The following MTHFD2L variants were observed in gnomAD, a reference collection of about 807,000 sequenced individuals.
MTHFD2L encodes the protein bifunctional methylenetetrahydrofolate dehydrogenase/cyclohydrolase 2, mitochondrial.
Under a neutral mutation model 34.9 loss-of-function variants are expected in MTHFD2L, and 29 were observed. That is an observed-to-expected ratio of 0.83 (90% CI 0.62 to 1.13). MTHFD2L has a LOEUF of 1.13. MTHFD2L is among the 50% of genes most tolerant of loss of function. MTHFD2L has a pLI of 0.00. For missense variants in MTHFD2L, 481 were observed against 446.5 expected, an observed-to-expected ratio of 1.08 and a Z score of -0.70; for synonymous variants, 167 against 155.7, an observed-to-expected ratio of 1.07 and a Z score of -0.54.
intron 6 of MTHFD2L, among the ~76,000 whole-genome samples, chr4:74,260,118 A>T (rs905436183): frequency 2.0e-5 from 3 of 152,178 alleles, no homozygotes; most frequent in Non-Finnish European, 4.4e-5. Context: ...TCTCTGTGTC[A>T]ACTCAATTGC....
intron 6 of MTHFD2L, chr4:74,267,692 C>T: frequency 2.0e-6 from 2 of 985,058 alleles, no homozygotes; most frequent in Non-Finnish European, 2.4e-6. Flanking sequence ...ACCTTGGCCT[C>T]TTAAAGTTCT....
rs894081945 is a variant in MTHFD2L at position 74,158,151 on chromosome 4, G to A, written c.13G>A (p.Val5Ile). 10 of 1,530,456 alleles carry A rather than the reference G, an allele frequency of 6.5e-6. No homozygotes were observed. In the South Asian group the frequency reaches 1.1e-4, roughly 17 times the overall value. The allele number at this position is 1,530,456 out of a possible 1,614,324, so 94.8% of individuals were successfully genotyped here. The change falls in exon 1 of 8, where the codon GTC (valine) becomes ATC (isoleucine). Residue 5 changes from valine (V) to isoleucine (I), a missense_variant. Physicochemically the swap from Val to Ile is conservative, Grantham distance 29. Coordinates refer to ENST00000325278, the MANE Select transcript of MTHFD2L (RefSeq NM_001144978.3). ...GGGATCCGCGGCCATGACGGTGCCG[G>A]TCCGCGGCTTCTCGCTGCTCCGCGG... The part of the protein sequence containing the change: MTVP[V>I]RGFSLLRGRL...
At chr4:74,198,833 T>C (rs944642364) in intron 3 of MTHFD2L, among the ~76,000 whole-genome samples, 2 of 151,524 alleles carry the variant, frequency 1.3e-5, no homozygotes, top group Admixed American at 6.6e-5. Context: ...AATACTTTTA[T>C]ATATTTCAAG....
intron 1 of MTHFD2L, chr4:74,143,465 AG>A (rs1723402328): frequency 1.0e-5 from 10 of 984,908 alleles, no homozygotes; most frequent in Non-Finnish European, 1.2e-5. Context: ...AGGGTCCTAG[AG>A]GGTATGTGGA....
At chr4:74,223,696 T>C (rs1211692300) in intron 5 of MTHFD2L, among the ~76,000 whole-genome samples, 1 of 152,122 alleles carries the variant, frequency 6.6e-6, no homozygotes, top group African/African-American at 2.4e-5. Flanking sequence ...TTCCATGACA[T>C]TTTTTGTTGA....
intron 3 of MTHFD2L, among the ~76,000 whole-genome samples, chr4:74,185,151 C>CAAAAAAAA (rs1169021073): frequency 0.012 from 189 of 15,972 alleles, 14 homozygotes; most frequent in African/African-American, 0.03. Flanking sequence ...GACTCCATCT[C>CAAAAAAAA]AAAAAAAAAA....
In MTHFD2L at chr4:74,215,418, A is replaced by G. The variant is rs140331424; in HGVS notation, c.713-9884A>G. Among the ~76,000 whole-genome samples the G allele has an allele frequency of 4.0e-3, 607 of 151,878 alleles. 3 individuals carry two copies. Among genetic ancestry groups the G allele is most frequent in the Non-Finnish European group, 6.1e-3 (417 of 68,022 alleles). ...TGGAATGCATCGTCCCTCACATCAC[A>G]GTTTCTCACAGCTTTCCTTGGCTAG... On this transcript the variant is annotated intron_variant, in intron 5 of 7. Coordinates refer to ENST00000325278, the MANE Select transcript of MTHFD2L (RefSeq NM_001144978.3).
chr4:74,218,369 G>A (rs914268408), intron 5 of MTHFD2L, among the ~76,000 whole-genome samples: 4 of 152,014 alleles, frequency 2.6e-5, no homozygotes, highest in Admixed American at 6.6e-5. Context: ...CAGTCTTACC[G>A]GGAACATTCC....
chr4:74,153,015 G>A (rs1724036732), intron 1 of MTHFD2L, among the ~76,000 whole-genome samples: 2 of 152,154 alleles, frequency 1.3e-5, no homozygotes, highest in Admixed American at 1.3e-4. Flanking sequence ...GTTGTTTATT[G>A]CTTTGGCTCC....
intron 3 of MTHFD2L, among the ~76,000 whole-genome samples, chr4:74,192,697 C>T (rs954500099): frequency 2.2e-4 from 34 of 151,952 alleles, no homozygotes; most frequent in African/African-American, 7.0e-4. Context: ...TGATTTTTTT[C>T]GTATACATAT....
Position 74,281,566 on chromosome 4 carries a change from C to A in MTHFD2L, c.931+16C>A. On this transcript the variant is annotated intron_variant, in intron 7 of 7. Transcript: ENST00000325278. ...GACTTCGAAGGTAATAAACCAATAT[C>A]TTTTGATAGGTGAAGAAGATAAAAA... The A allele has an allele frequency of 6.2e-7, 1 of 1,602,868 alleles. No individual in the cohort carries two copies. Among genetic ancestry groups the A allele is most frequent in the Non-Finnish European group, 8.5e-7 (1 of 1,175,740 alleles).
chr4:74,132,604 G>A (rs1441513034), intron 1 of MTHFD2L, among the ~76,000 whole-genome samples: 1 of 152,138 alleles, frequency 6.6e-6, no homozygotes, highest in South Asian at 2.1e-4. Context: ...GGGGCGCTAA[G>A]GGAGGGACAC....
intron 5 of MTHFD2L, among the ~76,000 whole-genome samples, chr4:74,209,898 G>A (rs1482585462): frequency 6.6e-6 from 1 of 152,182 alleles, no homozygotes; most frequent in Admixed American, 6.5e-5. Context: ...TAACTGGCAT[G>A]AGATTGGTAT....
At chr4:74,245,608 C>G (rs967433698) in intron 6 of MTHFD2L, among the ~76,000 whole-genome samples, 1 of 152,072 alleles carries the variant, frequency 6.6e-6, no homozygotes, top group Non-Finnish European at 1.5e-5. Flanking sequence ...GGTATATCTC[C>G]TAATGCTATC....
chr4:74,159,054 G>A (rs1042060037), intron 1 of MTHFD2L, among the ~76,000 whole-genome samples: 1 of 152,242 alleles, frequency 6.6e-6, no homozygotes, highest in Admixed American at 6.5e-5. Flanking sequence ...GTCCAAAATT[G>A]TGTCTCACTC....
chr4:74,146,387 A>G (rs909298880), intron 1 of MTHFD2L, among the ~76,000 whole-genome samples: 1 of 152,206 alleles, frequency 6.6e-6, no homozygotes, highest in Admixed American at 6.5e-5. Context: ...AAAATTCACC[A>G]TCATATCCCT....
At position 74,176,484 on chromosome 4, in the gene MTHFD2L, T is replaced by C. The variant is rs140740733; in HGVS notation, c.451+1081T>C. On this transcript the variant is annotated intron_variant, in intron 3 of 7. Coordinates refer to ENST00000325278, the MANE Select transcript of MTHFD2L (RefSeq NM_001144978.3). ...TTTATAGGCTAATCCCCTCTGTCTG[T>C]TATCCACTTTTGTAAAATATCATGT... Among the ~76,000 whole-genome samples, 7 of 152,190 alleles carry C rather than the reference T, an allele frequency of 4.6e-5. No individual in the cohort carries two copies. The East Asian group carries it at 1.3e-3, about 29-fold the overall frequency.
At chr4:74,204,385 A>G (rs1193495358) in intron 5 of MTHFD2L, among the ~76,000 whole-genome samples, 1 of 152,190 alleles carries the variant, frequency 6.6e-6, no homozygotes, top group Non-Finnish European at 1.5e-5. Flanking sequence ...ATTACACTTA[A>G]GTCAATAATA....
In MTHFD2L at chr4:74,300,526, TA is replaced by T. The variant is rs559479418; in HGVS notation, c.932-1169del. Among the ~76,000 whole-genome samples the T allele has an allele frequency of 1.3e-4, 20 of 152,198 alleles. No homozygotes were observed. The South Asian group carries it at 4.1e-3, about 32-fold the overall frequency. ...ATACATCTAAATAGCATGTGGTTAA[TA>T]ATGTCAGATTATGCATTAAAGAAAT... On this transcript the variant is annotated intron_variant, in intron 7 of 7. Coordinates refer to ENST00000325278, the MANE Select transcript of MTHFD2L (RefSeq NM_001144978.3).
Sources: gnomAD v4.1 joint callset for allele counts (sites outside exome capture counted in the v4.1 genomes callset) on GRCh38, gnomAD v4.1.1 for gene constraint, MANE v1.5 for transcripts, NCBI Gene and HGNC (gene_info 2026-07-23, HGNC 2026-07-21) for gene names.